The following ADD3 variants were observed in gnomAD, a reference collection of about 807,000 sequenced individuals.
The protein encoded by ADD3 is adducin 3.
Under a neutral mutation model 80.2 loss-of-function variants are expected in ADD3, and 25 were observed. That is an observed-to-expected ratio of 0.31 (90% CI 0.23 to 0.44). The LOEUF is 0.44. Ranked by LOEUF, ADD3 falls within the 20% of genes least tolerant of loss-of-function variation. The pLI is 1.00. For synonymous variants in ADD3, 284 were observed against 289.6 expected (o/e 0.98, Z 0.20); for missense variants, 829 against 847.5 (o/e 0.98, Z 0.27).
rs543787267 is a variant in ADD3, at chr10:110,074,621, A to G, written c.-29-26004A>G. ...ACAAAGCTAAAATATGTTTTCAATTACTTTGTTTTTAAAATGCTATCTTTC... is the reference window on the plus strand; with the variant it reads ...ACAAAGCTAAAATATGTTTTCAATTGCTTTGTTTTTAAAATGCTATCTTTC... On this transcript the variant is annotated intron_variant, in intron 1 of 14. Transcript: ENST00000356080. Among the ~76,000 whole-genome samples, 11 of 151,444 alleles carry G rather than the reference A, an allele frequency of 7.3e-5. No homozygotes were observed. In the South Asian group the frequency reaches 2.1e-3, roughly 29 times the overall value.
chr10:110,006,542 T>C (rs768908856), upstream of ADD3, among the ~76,000 whole-genome samples: 5 of 152,196 alleles, frequency 3.3e-5, no homozygotes, highest in Non-Finnish European at 5.9e-5. Context: ...TTCCCCACGA[T>C]TCGTTAAGAG....
chr10:110,017,150 G>A (rs1213438601), intron 1 of ADD3, among the ~76,000 whole-genome samples: 1 of 152,170 alleles, frequency 6.6e-6, no homozygotes, highest in African/African-American at 2.4e-5. Flanking sequence ...TTTGAGGTCA[G>A]GGCTAATACC....
upstream of ADD3, among the ~76,000 whole-genome samples, chr10:110,002,011 G>A (rs1851495346): frequency 6.6e-6 from 1 of 152,048 alleles, no homozygotes; most frequent in Non-Finnish European, 1.5e-5. Flanking sequence ...AGCGATTCTT[G>A]GCTGGGTGTG....
At chr10:110,119,994 G>A (rs891165889) in intron 8 of ADD3, among the ~76,000 whole-genome samples, 2 of 152,252 alleles carry the variant, frequency 1.3e-5, no homozygotes, top group African/African-American at 4.8e-5. Flanking sequence ...TCATTATGAT[G>A]AGAGGTTGGA....
intron 1 of ADD3, among the ~76,000 whole-genome samples, chr10:110,079,637 C>CCA (rs1845837197): frequency 6.6e-6 from 1 of 151,920 alleles, no homozygotes; most frequent in Non-Finnish European, 1.5e-5. Flanking sequence ...CTCACTGCAA[C>CCA]CTCTGCCTTC....
chr10:110,010,111 G>C (rs578220660), intron 1 of ADD3, among the ~76,000 whole-genome samples: 1 of 149,556 alleles, frequency 6.7e-6, no homozygotes, highest in South Asian at 2.1e-4. Context: ...TGTAGATCTG[G>C]CCTTTGTAAA....
In ADD3 at chr10:110,130,422, T is replaced by C. The variant is rs747485429; in HGVS notation, c.1668T>C (p.His556=). The change falls in exon 13 of 15, where the codon CAT becomes CAC. Residue 556 remains histidine, a synonymous_variant. Coordinates refer to ENST00000356080, the MANE Select transcript of ADD3 (RefSeq NM_016824.5). ...CAGCTCCTCCTAACCCATTTAGTCA[T>C]CTCACAGAAGGAGAACTTGAAGAGT... ...GPPAPPNPFS[H]LTEGELEEYK... is the part of the protein sequence containing the mutation. 4.3e-6 allele frequency: 7 copies of C among 1,614,120 alleles called. No individual in the cohort carries two copies. The highest frequency in any genetic ancestry group is 5.1e-6 in the Non-Finnish European group (6 of 1,179,978).
intron 9 of ADD3, 92 bp downstream of exon 9, chr10:110,122,384 TC>T (rs1851616905): frequency 2.6e-6 from 3 of 1,166,100 alleles, no homozygotes; most frequent in South Asian, 3.2e-5. Context: ...TCCATACTCT[TC>T]CAGAAGCTGA....
chr10:110,124,017 G>C lies in ADD3; in HGVS notation c.1144G>C (p.Gly382Arg). 1 of 1,613,548 alleles carries C rather than the reference G, an allele frequency of 6.2e-7. No individual in the cohort carries two copies. Among genetic ancestry groups the C allele is most frequent in the South Asian group, 1.1e-5 (1 of 91,048 alleles). Reference protein sequence around the residue: ...EGLMRTLDNLGYRTGYAYRHP... With the variant: ...EGLMRTLDNLRYRTGYAYRHP... Reference sequence around the variant, plus strand: ...CAAATGTGGCTTTTCCCTCCCTTAGGGGTATAGAACAGGCTATGCTTACAG... The same window carrying C: ...CAAATGTGGCTTTTCCCTCCCTTAGCGGTATAGAACAGGCTATGCTTACAG... The change falls in exon 10 of 15, where the codon GGG (glycine) becomes CGG (arginine). Residue 382 changes from glycine to arginine, a missense_variant and splice_region_variant. Gly to Arg is a moderately radical substitution (Grantham distance 125). Transcript: ENST00000356080.
upstream of ADD3, among the ~76,000 whole-genome samples, chr10:110,007,689 C>A (rs867405533): frequency 1.3e-4 from 20 of 152,286 alleles, no homozygotes; most frequent in South Asian, 3.3e-3. Flanking sequence ...AGGCCCCCAC[C>A]GCTGCGGCTT....
At chr10:110,029,154 T>C (rs796940930) in intron 1 of ADD3, among the ~76,000 whole-genome samples, 4 of 152,176 alleles carry the variant, frequency 2.6e-5, no homozygotes, top group Admixed American at 6.5e-5. Context: ...GCTGAGATTA[T>C]CGGCGTGAGC....
intron 1 of ADD3, among the ~76,000 whole-genome samples, chr10:110,078,050 A>T (rs1845577442): frequency 6.6e-6 from 1 of 152,218 alleles, no homozygotes; most frequent in South Asian, 2.1e-4. Flanking sequence ...TAAGGCTTGC[A>T]GGGGTGACAT....
chr10:110,080,153 G>C (rs1381801773), intron 1 of ADD3, among the ~76,000 whole-genome samples: 1 of 152,158 alleles, frequency 6.6e-6, no homozygotes, highest in Non-Finnish European at 1.5e-5. Flanking sequence ...GGGTGGGTAA[G>C]AACTGCCCCA....
intron 1 of ADD3, among the ~76,000 whole-genome samples, chr10:109,998,352 A>C (rs1851419987): frequency 6.6e-6 from 1 of 152,148 alleles, no homozygotes; most frequent in African/African-American, 2.4e-5. Flanking sequence ...CATGTACTCC[A>C]TCAGCAAGTC....
chr10:110,096,170 A>T (rs1848124140), intron 1 of ADD3, among the ~76,000 whole-genome samples: 1 of 152,150 alleles, frequency 6.6e-6, no homozygotes, highest in African/African-American at 2.4e-5. Flanking sequence ...TTTTTGGAAA[A>T]AAACAATACT....
intron 2 of ADD3, among the ~76,000 whole-genome samples, chr10:110,107,391 GA>G (rs1300208973): frequency 2.2e-4 from 34 of 152,226 alleles, no homozygotes; most frequent in African/African-American, 7.7e-4. Context: ...GGATGAAGTA[GA>G]TCGAGCAGGG....
At chr10:110,040,149 G>C (rs543538485) in intron 1 of ADD3, among the ~76,000 whole-genome samples, 1 of 152,252 alleles carries the variant, frequency 6.6e-6, no homozygotes, top group Admixed American at 6.5e-5. Context: ...AAATACTCAT[G>C]CTGTTAGGTA....
At chr10:110,027,263 A>G (rs542065791) in intron 1 of ADD3, among the ~76,000 whole-genome samples, 1 of 152,294 alleles carries the variant, frequency 6.6e-6, no homozygotes, top group Non-Finnish European at 1.5e-5. Flanking sequence ...CAAGAGTTGT[A>G]ATCATAAGGA....
chr10:110,129,662 A>T (rs932919124), intron 12 of ADD3, among the ~76,000 whole-genome samples: 1 of 152,150 alleles, frequency 6.6e-6, no homozygotes, highest in East Asian at 1.9e-4. Flanking sequence ...GCAAATAAGC[A>T]TGCTTCTCAT....
Sources: gnomAD v4.1 joint callset for allele counts (sites outside exome capture counted in the v4.1 genomes callset) on GRCh38, gnomAD v4.1.1 for gene constraint, MANE v1.5 for transcripts, NCBI Gene and HGNC (gene_info 2026-07-23, HGNC 2026-07-21) for gene names.